PALS2: variants seen among roughly 807,000 people sequenced by gnomAD.
PALS2 encodes the protein protein PALS2.
A neutral mutation model predicts 61.6 loss-of-function variants in PALS2; 27 were observed. That is an observed-to-expected ratio of 0.44 (90% CI 0.32 to 0.60). PALS2 has a LOEUF of 0.60. Ranked by LOEUF, PALS2 falls within the 20% of genes least tolerant of loss-of-function variation. PALS2 has a pLI of 0.05. For missense variants in PALS2, 554 were observed against 639.4 expected (o/e 0.87, Z 1.44); for synonymous variants, 236 against 218.6 (o/e 1.08, Z -0.70).
chr7:24,656,140 C>G (rs1245430064), intron 5 of PALS2, among the ~76,000 whole-genome samples: 1 of 152,174 alleles, frequency 6.6e-6, no homozygotes, highest in African/African-American at 2.4e-5. Context: ...AATGCAGATT[C>G]AGATGGGCCT....
Position 24,669,959 on chromosome 7 carries a change from C to G in PALS2, c.1114+1299C>G, listed in dbSNP as rs118032645. Among the ~76,000 whole-genome samples the G allele has an allele frequency of 2.0e-4, 30 of 152,280 alleles. No homozygotes were observed. The East Asian group carries it at 5.4e-3, about 27-fold the overall frequency. On this transcript the variant is annotated intron_variant, in intron 9 of 11. Transcript: ENST00000222644. Reference sequence around the variant, plus strand: ...TGCCCAATATTTTTAGCAAGTAGTTCTTAAAGACATATAATGGGGAAAAAA... The same window carrying G: ...TGCCCAATATTTTTAGCAAGTAGTTGTTAAAGACATATAATGGGGAAAAAA...
Position 24,665,998 on chromosome 7 carries a change from A to G in PALS2, c.884-23A>G. 1.9e-6 allele frequency: 3 copies of G among 1,581,396 alleles called. 1 individual carries two copies. In the South Asian group the frequency reaches 3.3e-5, roughly 18 times the overall value. ...CATATTCTGATATACTGCTTAAGTT[A>G]TATTTGTTTTATCATCCTTCAGGAC... On this transcript the variant is annotated intron_variant, in intron 7 of 11. Coordinates refer to ENST00000222644, the MANE Select transcript of PALS2 (RefSeq NM_001303037.2).
chr7:24,669,865 C>G (rs1787212256), intron 9 of PALS2, among the ~76,000 whole-genome samples: 1 of 152,204 alleles, frequency 6.6e-6, no homozygotes, highest in Non-Finnish European at 1.5e-5. Context: ...AAAAACTTCA[C>G]TGTAATCAAC....
intron 1 of PALS2, among the ~76,000 whole-genome samples, chr7:24,621,937 A>T (rs1312683566): frequency 6.6e-6 from 1 of 151,878 alleles, no homozygotes; most frequent in Non-Finnish European, 1.5e-5. Flanking sequence ...TGAAAAAACT[A>T]TTTTTTTCTT....
intron 5 of PALS2, among the ~76,000 whole-genome samples, chr7:24,653,280 CA>C (rs1225689985): frequency 2.0e-5 from 3 of 151,572 alleles, no homozygotes; most frequent in Non-Finnish European, 4.4e-5. Flanking sequence ...TGTAACTAAG[CA>C]CATTACCAGA....
intron 5 of PALS2, among the ~76,000 whole-genome samples, chr7:24,661,215 T>C (rs750057271): frequency 6.6e-6 from 1 of 152,066 alleles, no homozygotes; most frequent in Non-Finnish European, 1.5e-5. Flanking sequence ...CATTACAAAA[T>C]GGTTAGATCA....
rs1783004777 is a variant in PALS2 at position 24,585,015 on chromosome 7, G to A, written c.-3+11422G>A. 3.3e-5 allele frequency among the ~76,000 whole-genome samples: 5 copies of A among 151,796 alleles called. No individual in the cohort carries two copies. The South Asian group carries it at 1.0e-3, about 32-fold the overall frequency. ...TCTGAGGGCTCTGTTCTGTTCCATTGATCTATATCTCTGTTTTGGTACCAG... is the reference window on the plus strand; with the variant it reads ...TCTGAGGGCTCTGTTCTGTTCCATTAATCTATATCTCTGTTTTGGTACCAG... On this transcript the variant is annotated intron_variant, in intron 1 of 11. Coordinates refer to ENST00000222644, the MANE Select transcript of PALS2 (RefSeq NM_001303037.2).
At chr7:24,583,368 G>A (rs1285935837) in intron 1 of PALS2, among the ~76,000 whole-genome samples, 1 of 151,994 alleles carries the variant, frequency 6.6e-6, no homozygotes, top group East Asian at 1.9e-4. Flanking sequence ...TTAAGCTCTT[G>A]AAAACAACTA....
At chr7:24,616,171 C>A (rs777403948) in intron 1 of PALS2, among the ~76,000 whole-genome samples, 3 of 152,028 alleles carry the variant, frequency 2.0e-5, no homozygotes, top group Non-Finnish European at 2.9e-5. Flanking sequence ...CAGTCTTATT[C>A]AGCACAGTAC....
chr7:24,583,986 T>C (rs1454076516), intron 1 of PALS2, among the ~76,000 whole-genome samples: 1 of 151,074 alleles, frequency 6.6e-6, no homozygotes, highest in Non-Finnish European at 1.5e-5. Flanking sequence ...ACAAAGGACA[T>C]GAACTCATCA....
At chr7:24,648,089 T>C (rs1022779019) in intron 3 of PALS2, among the ~76,000 whole-genome samples, 2 of 152,116 alleles carry the variant, frequency 1.3e-5, no homozygotes, top group Non-Finnish European at 2.9e-5. Context: ...TTTTATTGAA[T>C]TTTTTTCTCC....
chr7:24,575,351 T>C (rs2128036954), intron 1 of PALS2, among the ~76,000 whole-genome samples: 1 of 152,294 alleles, frequency 6.6e-6, no homozygotes, highest in African/African-American at 2.4e-5. Flanking sequence ...CAGAATCTTT[T>C]TTTTTCTTTA....
chr7:24,618,264 C>T lies in PALS2; in HGVS notation c.-2-5402C>T, dbSNP rs1392701321. ...AGGGTGGGTTCTCCCTGGATGTGTC[C>T]ACCAGACTGTTTGACCAGAAGTGCT... On this transcript the variant is annotated intron_variant, in intron 1 of 11. Transcript: ENST00000222644. This position sits in a 1 kb window ranked among gnomAD's most constrained non-coding sequence, Gnocchi z 5.1. 6.6e-6 allele frequency among the ~76,000 whole-genome samples: 1 copy of T among 152,132 alleles called. No homozygotes were observed. The highest frequency in any genetic ancestry group is 1.5e-5 in the Non-Finnish European group (1 of 68,026).
intron 5 of PALS2, among the ~76,000 whole-genome samples, chr7:24,658,144 G>A (rs183891291): frequency 2.0e-5 from 3 of 150,710 alleles, no homozygotes; most frequent in Non-Finnish European, 4.4e-5. Flanking sequence ...CATGTTGGAT[G>A]TTTTCTATTG....
rs552501971 is a variant in PALS2 at position 24,578,829 on chromosome 7, A to G, written c.-3+5236A>G. ...ATGTTCATACTTATTCATCTGCTGCAAAACACTCGTCTCTCCTCTTTTTAA... is the reference window on the plus strand; with the variant it reads ...ATGTTCATACTTATTCATCTGCTGCGAAACACTCGTCTCTCCTCTTTTTAA... On this transcript the variant is annotated intron_variant, in intron 1 of 11. Transcript: ENST00000222644. 1.2e-4 allele frequency among the ~76,000 whole-genome samples: 19 copies of G among 152,364 alleles called. No individual in the cohort carries two copies. In the South Asian group the frequency reaches 3.9e-3, roughly 32 times the overall value.
chr7:24,664,870 C>G (rs1786934403), intron 6 of PALS2, among the ~76,000 whole-genome samples: 1 of 151,842 alleles, frequency 6.6e-6, no homozygotes, highest in African/African-American at 2.4e-5. Context: ...AACCTGTCAC[C>G]ATTCTCTCAG....
chr7:24,606,780 T>C (rs1783915218), intron 1 of PALS2, among the ~76,000 whole-genome samples: 1 of 152,084 alleles, frequency 6.6e-6, no homozygotes, highest in Admixed American at 6.6e-5. Context: ...ATCCCTAATC[T>C]GAAATGCTTG....
In PALS2 at chr7:24,689,712, C is replaced by G. The variant is rs1374364124; in HGVS notation, c.*2098C>G. On this transcript the variant is annotated 3_prime_UTR_variant, in exon 12 of 12. Transcript: ENST00000222644. ...TTTAATAACAGTGGAAACTTTCAAA[C>G]TACATGTGTTTACACCAAATTCTTG... is the stretch of plus-strand genomic sequence containing the variant. 2 of 151,018 alleles carry G rather than the reference C, an allele frequency of 1.3e-5. No individual in the cohort carries two copies. The allele number at this position is 151,018 out of a possible 1,614,324, so 9.4% of individuals were successfully genotyped here.
At chr7:24,612,762 C>T (rs1033758021) in intron 1 of PALS2, among the ~76,000 whole-genome samples, 5 of 151,856 alleles carry the variant, frequency 3.3e-5, no homozygotes, top group Admixed American at 6.6e-5. Flanking sequence ...GACCTTTCTG[C>T]AGTTCTTGAG....
Sources: allele counts gnomAD v4.1 joint callset (sites outside exome capture counted in the v4.1 genomes callset), GRCh38; gene constraint gnomAD v4.1.1; non-coding constraint Gnocchi (gnomAD v3.1); transcripts MANE v1.5; gene names NCBI Gene and HGNC (gene_info 2026-07-23, HGNC 2026-07-21).